CSMD1: variants seen among roughly 807,000 people sequenced by gnomAD.
CSMD1 encodes CUB and Sushi multiple domains 1.
Under a neutral mutation model 417.5 loss-of-function variants are expected in CSMD1, and 213 were observed. The observed-to-expected ratio is 0.51, with a 90% CI of 0.46 to 0.57. The LOEUF is 0.57. Among genes scored for constraint, CSMD1 ranks in the 20% least tolerant of loss-of-function variants. CSMD1 has a pLI of 0.00. For synonymous variants in CSMD1, 2,862 were observed against 1,736.8 expected (o/e 1.65, Z -16.11); for missense variants, 6,923 against 4,529.7 (o/e 1.53, Z -15.17).
At chr8:4,110,890 T>C (rs895124145) in intron 3 of CSMD1, among the ~76,000 whole-genome samples, 7 of 152,268 alleles carry the variant, frequency 4.6e-5, no homozygotes, top group South Asian at 2.1e-4. Flanking sequence ...TATTTTCTTA[T>C]GTCAAAAGAC....
At chr8:4,049,181 T>C (rs2554549) in intron 3 of CSMD1, among the ~76,000 whole-genome samples, 85,590 of 151,906 alleles carry the variant, frequency 0.56, 24,730 homozygotes, top group Non-Finnish European at 0.62. Flanking sequence ...AAAGAGTCTA[T>C]CTTAGGTGTT....
intron 1 of CSMD1, among the ~76,000 whole-genome samples, chr8:4,709,177 G>C (rs897188068): frequency 2.6e-5 from 4 of 152,162 alleles, no homozygotes; most frequent in Non-Finnish European, 1.5e-5. Context: ...TTGATGCATA[G>C]CTCAGCTCAC....
chr8:4,232,902 A>T (rs1801828816), intron 3 of CSMD1, among the ~76,000 whole-genome samples: 1 of 152,216 alleles, frequency 6.6e-6, no homozygotes, highest in African/African-American at 2.4e-5. Flanking sequence ...GGAAAAGGAT[A>T]TTGAAATTCA....
At chr8:3,834,955 A>T (rs184826043) in intron 5 of CSMD1, among the ~76,000 whole-genome samples, 1,559 of 152,194 alleles carry the variant, frequency 0.01, 28 homozygotes, top group African/African-American at 0.036. Flanking sequence ...CAGTCAAAAA[A>T]CACATGAAAA....
intron 2 of CSMD1, among the ~76,000 whole-genome samples, chr8:4,453,184 C>A (rs532285267): frequency 6.8e-6 from 1 of 146,886 alleles, no homozygotes; most frequent in East Asian, 2.0e-4. Context: ...TCCATCCCAA[C>A]ACACAGACAC....
intron 6 of CSMD1, among the ~76,000 whole-genome samples, chr8:3,719,963 A>T (rs1802057912): frequency 6.6e-6 from 1 of 152,210 alleles, no homozygotes; most frequent in Non-Finnish European, 1.5e-5. Context: ...GATGATCACC[A>T]CCTGACCCTC....
chr8:3,437,021 T>C (rs1321161557), intron 12 of CSMD1, among the ~76,000 whole-genome samples: 2 of 152,214 alleles, frequency 1.3e-5, no homozygotes, highest in East Asian at 3.9e-4. Context: ...CCTGGCTTAT[T>C]GCTCATTTAA....
rs374983494 is a variant in CSMD1, at chr8:4,362,941, T to C, written c.415+57012A>G. Reference sequence around the variant, plus strand: ...ATTTCTTAAACTGTTAGGACAAGTCTATGTAATTTAAGCCAAATATCTAAA... The same window carrying C: ...ATTTCTTAAACTGTTAGGACAAGTCCATGTAATTTAAGCCAAATATCTAAA... On this transcript the variant is annotated intron_variant, in intron 3 of 69. Coordinates refer to ENST00000635120, the MANE Select transcript of CSMD1 (RefSeq NM_033225.6). 1.1e-4 allele frequency among the ~76,000 whole-genome samples: 16 copies of C among 152,342 alleles called. No homozygotes were observed. The South Asian group carries it at 2.7e-3, about 26-fold the overall frequency.
At chr8:3,425,618 A>C (rs977139794) in intron 12 of CSMD1, among the ~76,000 whole-genome samples, 4 of 150,760 alleles carry the variant, frequency 2.7e-5, no homozygotes, top group Middle Eastern at 3.5e-3. Context: ...GAAAGAAAAA[A>C]GGAAAAAAAA....
rs189038526 is a variant in CSMD1 at position 4,507,074 on chromosome 8, T to C, written c.303-87009A>G. Among the ~76,000 whole-genome samples, 11 of 152,316 alleles carry C rather than the reference T, an allele frequency of 7.2e-5. No individual in the cohort carries two copies. In the East Asian group the frequency reaches 2.1e-3, roughly 29 times the overall value. On this transcript the variant is annotated intron_variant, in intron 2 of 69. Transcript: ENST00000635120. Reference sequence around the variant, plus strand: ...GAAATAAACACATATTTAGTAATGCTTATTGATTACCTTGATTCCTGTTTA... The same window carrying C: ...GAAATAAACACATATTTAGTAATGCCTATTGATTACCTTGATTCCTGTTTA...
chr8:3,535,832 T>C (rs1266953858), intron 10 of CSMD1, among the ~76,000 whole-genome samples: 1 of 152,140 alleles, frequency 6.6e-6, no homozygotes, highest in Non-Finnish European at 1.5e-5. Context: ...TCCCACCAGT[T>C]TTTGTATATG....
At position 4,095,296 on chromosome 8, in the gene CSMD1, A is replaced by C. The variant is rs905898782; in HGVS notation, c.416-63197T>G. On this transcript the variant is annotated intron_variant, in intron 3 of 69. Coordinates refer to ENST00000635120, the MANE Select transcript of CSMD1 (RefSeq NM_033225.6). ...ATTAAAATGTGTAACCTTTAATATCAATTCTGTTATTACCTGATATAACAT... is the reference window on the plus strand; with the variant it reads ...ATTAAAATGTGTAACCTTTAATATCCATTCTGTTATTACCTGATATAACAT... 3.9e-5 allele frequency among the ~76,000 whole-genome samples: 6 copies of C among 152,322 alleles called. No homozygotes were observed. In the East Asian group the frequency reaches 9.6e-4, roughly 24 times the overall value.
At chr8:3,188,002 G>T (rs1272680367) in intron 35 of CSMD1, 37 bp from the exon 36 acceptor site, 5 of 1,558,056 alleles carry the variant, frequency 3.2e-6, no homozygotes, top group Non-Finnish European at 3.5e-6. Flanking sequence ...ATTTATTTTT[G>T]GCTTAACACA....
chr8:4,118,459 G>C (rs931844260), intron 3 of CSMD1, among the ~76,000 whole-genome samples: 2 of 137,660 alleles, frequency 1.5e-5, no homozygotes, highest in Non-Finnish European at 3.1e-5. Context: ...CTCAAAAGAA[G>C]ACATTTATGC....
intron 3 of CSMD1, among the ~76,000 whole-genome samples, chr8:4,136,790 C>G (rs533753950): frequency 8.5e-5 from 13 of 152,212 alleles, no homozygotes; most frequent in African/African-American, 3.1e-4. Context: ...TTGTTGGACT[C>G]AATAATTTGT....
At chr8:2,994,045 T>C (rs1414391068) in intron 54 of CSMD1, among the ~76,000 whole-genome samples, 2 of 135,572 alleles carry the variant, frequency 1.5e-5, no homozygotes, top group African/African-American at 2.8e-5. Flanking sequence ...ACTTGAGAGG[T>C]TGAGGCAGGA....
chr8:4,579,774 C>A (rs929890051), intron 2 of CSMD1, among the ~76,000 whole-genome samples: 3 of 152,088 alleles, frequency 2.0e-5, no homozygotes, highest in South Asian at 2.1e-4. Flanking sequence ...AGGTGAATTT[C>A]CAATTTTATT....
intron 2 of CSMD1, among the ~76,000 whole-genome samples, chr8:4,617,760 C>A (rs2616969): frequency 2.6e-5 from 4 of 151,750 alleles, no homozygotes; most frequent in Admixed American, 6.6e-5. Flanking sequence ...TTTGGCATTC[C>A]TCATTATTAG....
At chr8:3,667,857 G>A (rs899933772) in intron 7 of CSMD1, among the ~76,000 whole-genome samples, 10 of 152,140 alleles carry the variant, frequency 6.6e-5, no homozygotes, top group Admixed American at 6.5e-4. Context: ...ATGTTTAATC[G>A]TGAAATAGCA....
Sources: gnomAD v4.1 joint callset for allele counts (sites outside exome capture counted in the v4.1 genomes callset) on GRCh38, gnomAD v4.1.1 for gene constraint, MANE v1.5 for transcripts, NCBI Gene and HGNC (gene_info 2026-07-23, HGNC 2026-07-21) for gene names.